The following CSMD1 variants were observed in gnomAD, a reference collection of about 807,000 sequenced individuals.
The protein encoded by CSMD1 is CUB and sushi domain-containing protein 1.
A neutral mutation model predicts 417.5 loss-of-function variants in CSMD1; 213 were observed. That is an observed-to-expected ratio of 0.51 (90% CI 0.46 to 0.57). CSMD1 has a LOEUF of 0.57. Among genes scored for constraint, CSMD1 ranks in the 20% least tolerant of loss-of-function variants. The pLI is 0.00. For synonymous variants in CSMD1, 2,862 were observed against 1,736.8 expected, an observed-to-expected ratio of 1.65 and a Z score of -16.11; for missense variants, 6,923 against 4,529.7, an observed-to-expected ratio of 1.53 and a Z score of -15.17.
chr8:3,528,432 T>C (rs1285458648), intron 10 of CSMD1, among the ~76,000 whole-genome samples: 3 of 152,184 alleles, frequency 2.0e-5, no homozygotes, highest in African/African-American at 4.8e-5. Flanking sequence ...TGTATGCAAG[T>C]CTAGCCATGC....
chr8:3,067,344 C>T (rs1484656982), intron 49 of CSMD1, among the ~76,000 whole-genome samples: 1 of 152,140 alleles, frequency 6.6e-6, no homozygotes, highest in Non-Finnish European at 1.5e-5. Flanking sequence ...CGATGCCTCC[C>T]CGCACTCCAA....
chr8:4,063,713 A>C (rs981082987), intron 3 of CSMD1, among the ~76,000 whole-genome samples: 7 of 152,206 alleles, frequency 4.6e-5, no homozygotes, highest in African/African-American at 1.2e-4. Context: ...CTAAGTAAGG[A>C]GTCCACTGCC....
chr8:3,939,218 C>A (rs997977260), intron 5 of CSMD1, among the ~76,000 whole-genome samples: 1 of 151,774 alleles, frequency 6.6e-6, no homozygotes, highest in Non-Finnish European at 1.5e-5. Context: ...TAATTCATCA[C>A]GAATAAACTT....
At chr8:3,901,296 T>C (rs1807735227) in intron 5 of CSMD1, among the ~76,000 whole-genome samples, 1 of 152,206 alleles carries the variant, frequency 6.6e-6, no homozygotes, top group Non-Finnish European at 1.5e-5. Flanking sequence ...CCCTTTTTCT[T>C]TCTGCATCAG....
At chr8:3,298,768 A>C (rs563726836) in intron 25 of CSMD1, among the ~76,000 whole-genome samples, 1 of 152,256 alleles carries the variant, frequency 6.6e-6, no homozygotes, top group Admixed American at 6.5e-5. Context: ...TCTTTTACAT[A>C]AAATTCAAAT....
intron 55 of CSMD1, among the ~76,000 whole-genome samples, chr8:2,975,006 C>T (rs144668267): frequency 5.9e-5 from 9 of 152,276 alleles, no homozygotes; most frequent in East Asian, 5.8e-4. Context: ...ACTATTTCCA[C>T]GATGTTTTCA....
chr8:4,871,485 G>A (rs1802736384), intron 1 of CSMD1, among the ~76,000 whole-genome samples: 1 of 152,050 alleles, frequency 6.6e-6, no homozygotes, highest in Non-Finnish European at 1.5e-5. Context: ...TAATCAAGTT[G>A]ACCCAACGCC....
At chr8:4,820,266 T>C (rs1799445620) in intron 1 of CSMD1, among the ~76,000 whole-genome samples, 1 of 152,092 alleles carries the variant, frequency 6.6e-6, no homozygotes, top group African/African-American at 2.4e-5. Flanking sequence ...AAATAAACAC[T>C]ACAGACTGCC....
At chr8:4,453,819 T>TTC (rs1554483709) in intron 2 of CSMD1, among the ~76,000 whole-genome samples, 4 of 115,336 alleles carry the variant, frequency 3.5e-5, no homozygotes, top group Non-Finnish European at 3.5e-5. Flanking sequence ...CGTTTCTTTT[T>TTC]TTTTTTTTTT....
At chr8:3,896,290 G>T (rs963370597) in intron 5 of CSMD1, among the ~76,000 whole-genome samples, 1 of 152,042 alleles carries the variant, frequency 6.6e-6, no homozygotes, top group Admixed American at 6.6e-5. Flanking sequence ...GAGTGACATC[G>T]CCTTGGGAAA....
intron 2 of CSMD1, among the ~76,000 whole-genome samples, chr8:4,588,079 T>G (rs1436758495): frequency 2.6e-5 from 4 of 152,144 alleles, no homozygotes; most frequent in Non-Finnish European, 4.4e-5. Context: ...TAATACATGT[T>G]CAGTATTCTA....
chr8:4,374,723 G>A (rs554148014), intron 3 of CSMD1, among the ~76,000 whole-genome samples: 1 of 152,150 alleles, frequency 6.6e-6, no homozygotes, highest in Non-Finnish European at 1.5e-5. Flanking sequence ...GTCTGGAGCA[G>A]ACTAAGCATG....
intron 5 of CSMD1, among the ~76,000 whole-genome samples, chr8:3,779,039 G>A (rs1481711): frequency 0.28 from 41,793 of 151,710 alleles, 6,270 homozygotes; most frequent in East Asian, 0.45. Context: ...CATGATCAAC[G>A]TTTTCATAAC....
At chr8:3,599,928 C>T (rs1006991209) in intron 8 of CSMD1, among the ~76,000 whole-genome samples, 29 of 152,162 alleles carry the variant, frequency 1.9e-4, no homozygotes, top group African/African-American at 6.5e-4. Flanking sequence ...TTCGGCACAG[C>T]AGGACGTCTT....
At chr8:3,944,689 T>A (rs1041917661) in intron 5 of CSMD1, among the ~76,000 whole-genome samples, 1 of 152,204 alleles carries the variant, frequency 6.6e-6, no homozygotes, top group Non-Finnish European at 1.5e-5. Flanking sequence ...AAGATCTATG[T>A]TGAAAATGCC....
In CSMD1 at chr8:3,630,727, G is replaced by C. The variant is rs868460115; in HGVS notation, c.1010-13930C>G. Among the ~76,000 whole-genome samples, 449 of 131,798 alleles carry C rather than the reference G, an allele frequency of 3.4e-3. 2 individuals carry two copies. Among genetic ancestry groups the C allele is most frequent in the African/African-American group, 0.014 (432 of 31,396 alleles). 86.5% of individuals were successfully genotyped at this position (131,798 alleles called of 152,430 possible). A position where few individuals can be genotyped will look rare whatever the true frequency, so the allele number is the denominator to read the frequency against. ...TCCAAGAATTGAGGGAAATGGAGTT[G>C]CCTCTCTGAAGCCACTGAGCCAACG... On this transcript the variant is annotated intron_variant, in intron 7 of 69. Coordinates refer to ENST00000635120, the MANE Select transcript of CSMD1 (RefSeq NM_033225.6).
At chr8:3,193,815 G>A (rs967176705) in intron 33 of CSMD1, among the ~76,000 whole-genome samples, 2 of 152,120 alleles carry the variant, frequency 1.3e-5, no homozygotes, top group Admixed American at 1.3e-4. Flanking sequence ...TCATCTGTCG[G>A]GAAAAGCCGG....
intron 18 of CSMD1, among the ~76,000 whole-genome samples, chr8:3,380,428 AC>A (rs1174407322): frequency 6.6e-6 from 1 of 152,224 alleles, no homozygotes; most frequent in African/African-American, 2.4e-5. Flanking sequence ...TACTATGAAG[AC>A]ATATACACAC....
intron 3 of CSMD1, among the ~76,000 whole-genome samples, chr8:4,106,280 T>G (rs1157428982): frequency 6.6e-6 from 1 of 152,236 alleles, no homozygotes; most frequent in African/African-American, 2.4e-5. Flanking sequence ...TATGTGTTTC[T>G]GTGGGTGGGA....
Sources: gnomAD v4.1 joint callset for allele counts (sites outside exome capture counted in the v4.1 genomes callset) on GRCh38, gnomAD v4.1.1 for gene constraint, MANE v1.5 for transcripts, NCBI Gene and HGNC (gene_info 2026-07-23, HGNC 2026-07-21) for gene names.